Variants in ARPP21 observed in about 807,000 individuals in gnomAD.
The protein encoded by ARPP21 is cAMP-regulated phosphoprotein 21.
ARPP21 carries 69 observed loss-of-function variants against 113.2 expected under a neutral mutation model. The observed-to-expected ratio is 0.61, with a 90% CI of 0.50 to 0.74. The LOEUF (loss-of-function observed/expected upper bound fraction) is 0.74, where lower values mean the gene tolerates loss of function less well. ARPP21 is among the 30% of genes least tolerant of loss of function. The pLI, the probability that ARPP21 is intolerant of heterozygous loss-of-function variation, is 0.00. For missense variants in ARPP21, 1,070 were observed against 1,037.4 expected (o/e 1.03, Z -0.43); for synonymous variants, 368 against 375.5 (o/e 0.98, Z 0.23).
At chr3:35,725,624 G>A (rs773169866) in intron 14 of ARPP21, among the ~76,000 whole-genome samples, 1 of 152,188 alleles carries the variant, frequency 6.6e-6, no homozygotes, top group African/African-American at 2.4e-5. Context: ...AAGGGAATCT[G>A]CCTATGTCCT....
At chr3:35,673,238 T>G (rs1339005782) in intron 1 of ARPP21, among the ~76,000 whole-genome samples, 3 of 152,088 alleles carry the variant, frequency 2.0e-5, no homozygotes, top group African/African-American at 7.2e-5. Flanking sequence ...CTAATCTCTC[T>G]CTGCCCTCTG....
chr3:35,654,236 G>A (rs576415465), intron 1 of ARPP21, among the ~76,000 whole-genome samples: 3 of 152,100 alleles, frequency 2.0e-5, no homozygotes, highest in African/African-American at 7.2e-5. Flanking sequence ...AAGGAAAATT[G>A]CATTTTCATT....
Position 35,690,980 on chromosome 3 carries a change from A to G in ARPP21, c.661A>G (p.Ile221Val). ...GGATCAAACAGGAAAATCTGTTATC[A>G]TCAACAAGACCAGCAGCACCAGAAT... The part of the protein sequence containing the change: ...NVDQTGKSVI[I>V]NKTSSTRIPE... The change falls in exon 9 of 21, where the codon ATC becomes GTC. Residue 221 changes from isoleucine to valine, a missense_variant. Physicochemically the swap from Ile to Val is conservative, Grantham distance 29. Transcript: ENST00000684406. 1.2e-6 allele frequency: 2 copies of G among 1,610,652 alleles called. No homozygotes were observed. The highest frequency in any genetic ancestry group is 1.7e-6 in the Non-Finnish European group (2 of 1,177,832).
chr3:35,708,032 G>C (rs1239943822), intron 10 of ARPP21, among the ~76,000 whole-genome samples: 1 of 151,752 alleles, frequency 6.6e-6, no homozygotes, highest in Non-Finnish European at 1.5e-5. Flanking sequence ...AATCACTCTC[G>C]GTGAGTCATT....
intron 19 of ARPP21, among the ~76,000 whole-genome samples, chr3:35,789,004 C>A (rs1402175166): frequency 6.6e-6 from 1 of 152,158 alleles, no homozygotes. Context: ...AAAATTGAAT[C>A]GATCTTGACT....
rs1181104628 is a variant in ARPP21 at position 35,753,007 on chromosome 3, CAT to C, written c.2137+9043_2137+9044del. On this transcript the variant is annotated intron_variant, in intron 19 of 20. Coordinates refer to ENST00000684406, the MANE Select transcript of ARPP21 (RefSeq NM_001385562.1). ...CAGACACTCATAAATGCATGAATAA[CAT>C]GTGTACCTATTTTCACTTTGGTATG... Among the ~76,000 whole-genome samples, 25 of 150,136 alleles carry C rather than the reference CAT, an allele frequency of 1.7e-4. No individual in the cohort carries two copies. In the East Asian group the frequency reaches 3.9e-3, roughly 24 times the overall value.
At chr3:35,696,511 G>C (rs1034540560) in intron 9 of ARPP21, among the ~76,000 whole-genome samples, 38 of 151,658 alleles carry the variant, frequency 2.5e-4, no homozygotes, top group African/African-American at 8.4e-4. Flanking sequence ...ACTGAGCTGA[G>C]AAGCCCTCCA....
chr3:35,754,543 A>G (rs1018315063), intron 19 of ARPP21, among the ~76,000 whole-genome samples: 2 of 152,008 alleles, frequency 1.3e-5, no homozygotes, highest in Non-Finnish European at 2.9e-5. Context: ...TGTTTCTTTC[A>G]TTAATTGGTC....
chr3:35,736,916 A>G (rs1049189101), intron 15 of ARPP21, among the ~76,000 whole-genome samples: 1 of 152,192 alleles, frequency 6.6e-6, no homozygotes, highest in African/African-American at 2.4e-5. Context: ...GTCCACAGAT[A>G]CATTTAGCTT....
intron 12 of ARPP21, 43 bp downstream of exon 12, chr3:35,715,519 T>C (rs1467487691): frequency 1.3e-6 from 2 of 1,498,840 alleles, no homozygotes; most frequent in African/African-American, 1.4e-5. Context: ...AGGAACAACG[T>C]CTGTCATGTG....
intron 1 of ARPP21, among the ~76,000 whole-genome samples, chr3:35,656,638 G>C (rs190412649): frequency 3.9e-5 from 6 of 151,942 alleles, no homozygotes; most frequent in Non-Finnish European, 5.9e-5. Context: ...GGGCAGATTG[G>C]TGACTGCTAG....
chr3:35,748,523 G>A (rs1272614158), intron 19 of ARPP21, among the ~76,000 whole-genome samples: 1 of 151,772 alleles, frequency 6.6e-6, no homozygotes, highest in Non-Finnish European at 1.5e-5. Context: ...AAAGAAAGAG[G>A]AAAGAAAAGC....
At chr3:35,691,919 T>TA (rs1329108282) in intron 9 of ARPP21, among the ~76,000 whole-genome samples, 1 of 151,426 alleles carries the variant, frequency 6.6e-6, no homozygotes. Context: ...TCAAGCAGAG[T>TA]ATCATGGTTA....
intron 19 of ARPP21, among the ~76,000 whole-genome samples, chr3:35,753,153 C>T (rs983985881): frequency 6.6e-5 from 10 of 150,932 alleles, no homozygotes; most frequent in African/African-American, 1.9e-4. Context: ...GTGGAAAATA[C>T]GGTGCTTCAG....
intron 19 of ARPP21, among the ~76,000 whole-genome samples, chr3:35,755,969 C>T (rs773629532): frequency 7.9e-5 from 12 of 152,038 alleles, no homozygotes; most frequent in East Asian, 1.9e-4. Context: ...CCCTGAAAGA[C>T]GCTGCTTTTT....
intron 1 of ARPP21, among the ~76,000 whole-genome samples, chr3:35,665,333 T>G (rs2074065314): frequency 6.6e-6 from 1 of 152,158 alleles, no homozygotes; most frequent in Non-Finnish European, 1.5e-5. Context: ...CCTAAGCTTT[T>G]TTTAATATGA....
At chr3:35,691,120 T>A in intron 9 of ARPP21, 115 bp downstream of exon 9, 1 of 1,116,954 alleles carries the variant, frequency 9.0e-7, no homozygotes, top group Non-Finnish European at 1.2e-6. Flanking sequence ...GTGTTATTTA[T>A]CTCTTGCTCT....
At chr3:35,750,147 TAAG>T (rs1378898543) in intron 19 of ARPP21, among the ~76,000 whole-genome samples, 5 of 149,230 alleles carry the variant, frequency 3.4e-5, no homozygotes, top group Non-Finnish European at 4.5e-5. Flanking sequence ...TTTCTTGAGA[TAAG>T]AAGTTAGATT....
chr3:35,670,201 C>T (rs2075978348), intron 1 of ARPP21, among the ~76,000 whole-genome samples: 1 of 151,822 alleles, frequency 6.6e-6, no homozygotes, highest in Non-Finnish European at 1.5e-5. Context: ...AAGCAAACAC[C>T]CATTTTCTTT....
Sources: gnomAD v4.1 joint callset for allele counts (sites outside exome capture counted in the v4.1 genomes callset) on GRCh38, gnomAD v4.1.1 for gene constraint, MANE v1.5 for transcripts, NCBI Gene and HGNC (gene_info 2026-07-23, HGNC 2026-07-21) for gene names.